The following PLAA variants were observed in gnomAD, a reference collection of about 807,000 sequenced individuals.
PLAA encodes the protein phospholipase A2 activating protein, also known as phospholipase A-2-activating protein.
PLAA carries 48 observed loss-of-function variants against 84.1 expected under a neutral mutation model. The ratio of observed to expected loss-of-function variants is 0.57; its 90% CI spans 0.45 to 0.73. PLAA has a LOEUF of 0.73. Ranked by LOEUF, PLAA falls within the 30% of genes least tolerant of loss-of-function variation. The pLI is 0.00. For missense variants in PLAA, 903 were observed against 954.7 expected (o/e 0.95, Z 0.71); for synonymous variants, 392 against 336.6 (o/e 1.16, Z -1.80).
At chr9:26,921,261 G>C (rs1226551540) in intron 7 of PLAA, among the ~76,000 whole-genome samples, 2 of 152,264 alleles carry the variant, frequency 1.3e-5, no homozygotes, top group Middle Eastern at 6.8e-3. Context: ...TTCTCAACAA[G>C]GCCTTCAGTG....
chr9:26,939,330 G>T (rs1464114845), intron 1 of PLAA, among the ~76,000 whole-genome samples: 1 of 152,006 alleles, frequency 6.6e-6, no homozygotes, highest in Non-Finnish European at 1.5e-5. Flanking sequence ...GGAGCTTGCA[G>T]TGAGCCGAGA....
chr9:26,916,095 G>C, intron 10 of PLAA: 1 of 985,206 alleles, frequency 1.0e-6, no homozygotes, highest in Non-Finnish European at 1.2e-6. Flanking sequence ...TTTCCATCTG[G>C]GCCATCAATA....
Position 26,903,490 on chromosome 9 carries a change from A to C in PLAA, c.*2021T>G, listed in dbSNP as rs991079529. On this transcript the variant is annotated 3_prime_UTR_variant, in exon 14 of 14. Transcript: ENST00000397292. ...TTTTAATAAAATAAAATACATTTAC[A>C]TACATAGTCACTATGCCACAAGATG... Among the ~76,000 whole-genome samples, 7 of 152,238 alleles carry C rather than the reference A, an allele frequency of 4.6e-5. No homozygotes were observed. Among genetic ancestry groups the C allele is most frequent in the African/African-American group, 1.7e-4 (7 of 41,472 alleles).
chr9:26,911,693 A>G (rs1824404324), intron 11 of PLAA, among the ~76,000 whole-genome samples: 1 of 152,236 alleles, frequency 6.6e-6, no homozygotes, highest in Admixed American at 6.5e-5. Flanking sequence ...AAATTCAGCA[A>G]TATTCAATAA....
At chr9:26,931,632 G>A (rs1825187951) in intron 2 of PLAA, among the ~76,000 whole-genome samples, 1 of 152,096 alleles carries the variant, frequency 6.6e-6, no homozygotes. Flanking sequence ...ATAGGTGACT[G>A]AAGAACACAT....
At position 26,936,249 on chromosome 9, in the gene PLAA, T is replaced by C. The variant is rs10967610; in HGVS notation, c.150-1043A>G. 2.7e-5 allele frequency among the ~76,000 whole-genome samples: 4 copies of C among 146,982 alleles called. No individual in the cohort carries two copies. The East Asian group carries it at 7.9e-4, about 29-fold the overall frequency. On this transcript the variant is annotated intron_variant, in intron 1 of 13. Transcript: ENST00000397292. ...ATTAAACCCACAAGGCCAAGGAGAA[T>C]GAAAAAAAAAATACATGAATACAAC...
intron 9 of PLAA, among the ~76,000 whole-genome samples, chr9:26,918,526 T>C (rs1344204380): frequency 6.6e-6 from 1 of 152,116 alleles, no homozygotes; most frequent in Non-Finnish European, 1.5e-5. Flanking sequence ...TTTGGGAATG[T>C]GGAGTAGCTG....
intron 7 of PLAA, among the ~76,000 whole-genome samples, chr9:26,921,274 G>A (rs182574929): frequency 4.6e-5 from 7 of 152,230 alleles, no homozygotes; most frequent in South Asian, 2.1e-4. Context: ...CTTCAGTGGC[G>A]GAGACAGCTA....
At chr9:26,932,998 G>A (rs770396168) in intron 2 of PLAA, among the ~76,000 whole-genome samples, 10 of 152,054 alleles carry the variant, frequency 6.6e-5, no homozygotes, top group Non-Finnish European at 1.3e-4. Flanking sequence ...GGCCAGGCAC[G>A]GTGGCTCAGG....
intron 12 of PLAA, among the ~76,000 whole-genome samples, chr9:26,908,549 C>T (rs1185890433): frequency 4.0e-5 from 6 of 151,694 alleles, no homozygotes; most frequent in Admixed American, 3.3e-4. Flanking sequence ...CTGCAACCTC[C>T]GCCATCAGGA....
At position 26,905,749 on chromosome 9, in the gene PLAA, T is replaced by C. The variant is rs539211233; in HGVS notation, c.2150A>G (p.His717Arg). The C allele has an allele frequency of 5.6e-6, 9 of 1,614,190 alleles. No individual in the cohort carries two copies. The highest frequency in any genetic ancestry group is 5.3e-5 in the African/African-American group (4 of 75,072). Reference protein sequence around the residue: ...LNYSVCFHKDHNIEGKAQCLS... With the variant: ...LNYSVCFHKDRNIEGKAQCLS... ...ACATTGGGCTTTCCCTTCAATGTTA[T>C]GGTCTTTATGAAAACAAACAGAATA... The change falls in exon 14 of 14, where the codon CAT becomes CGT. Residue 717 changes from histidine (H) to arginine (R), a missense_variant. His to Arg is a conservative substitution (Grantham distance 29). Transcript: ENST00000397292.
At chr9:26,909,587 GCAAT>G (rs1204911753) in intron 12 of PLAA, among the ~76,000 whole-genome samples, 4 of 150,956 alleles carry the variant, frequency 2.6e-5, no homozygotes, top group African/African-American at 9.7e-5. Flanking sequence ...AACAGAAAAA[GCAAT>G]CAAAGTCACT....
intron 9 of PLAA, among the ~76,000 whole-genome samples, chr9:26,918,116 T>A (rs1316555387): frequency 1.3e-5 from 2 of 148,310 alleles, no homozygotes; most frequent in East Asian, 3.9e-4. Context: ...TTTTTAAAAT[T>A]TTTTGATTTT....
At chr9:26,917,236 G>C in intron 9 of PLAA, 71 bp from the exon 10 acceptor site, 1 of 1,188,794 alleles carries the variant, frequency 8.4e-7, no homozygotes, top group Non-Finnish European at 1.2e-6. Context: ...CACAATGCTT[G>C]TTTTAGAAGA....
intron 4 of PLAA, 99 bp downstream of exon 4, chr9:26,927,998 CTAA>C: frequency 4.1e-6 from 5 of 1,231,234 alleles, no homozygotes; most frequent in African/African-American, 1.5e-5. Context: ...CTTAAATATA[CTAA>C]TGTTTTTCAA....
chr9:26,939,705 C>T (rs1587191820), intron 1 of PLAA, among the ~76,000 whole-genome samples: 1 of 151,790 alleles, frequency 6.6e-6, no homozygotes, highest in South Asian at 2.1e-4. Context: ...TAGGATGAAA[C>T]AGGATATTCC....
At chr9:26,912,447 G>A (rs1263571921) in intron 11 of PLAA, among the ~76,000 whole-genome samples, 1 of 152,240 alleles carries the variant, frequency 6.6e-6, no homozygotes, top group Admixed American at 6.5e-5. Context: ...CATAAACAGA[G>A]TAAACAATAA....
chr9:26,905,005 G>A lies in PLAA; in HGVS notation c.*506C>T, dbSNP rs1824183831. 1 of 151,484 alleles carries A rather than the reference G, an allele frequency of 6.6e-6. No individual in the cohort carries two copies. Among genetic ancestry groups the A allele is most frequent in the Non-Finnish European group, 1.5e-5 (1 of 67,842 alleles). The allele number at this position is 151,484 out of a possible 1,614,324, so 9.4% of individuals were successfully genotyped here. ...ACAAATCAAGAAATTATCTTATATT[G>A]TTTTAATATATGAATTTATAAATTA... On this transcript the variant is annotated 3_prime_UTR_variant, in exon 14 of 14. Transcript: ENST00000397292.
chr9:26,920,174 T>G, intron 8 of PLAA, 53 bp downstream of exon 8: 3 of 1,491,590 alleles, frequency 2.0e-6, no homozygotes, highest in South Asian at 1.2e-5. Context: ...AGGAAACCTT[T>G]AATTTGCCTA....
Sources: allele counts gnomAD v4.1 joint callset (sites outside exome capture counted in the v4.1 genomes callset), GRCh38; gene constraint gnomAD v4.1.1; transcripts MANE v1.5; gene names NCBI Gene and HGNC (gene_info 2026-07-23, HGNC 2026-07-21).